Variants in KLC1 observed in about 807,000 individuals in gnomAD.
The protein encoded by KLC1 is kinesin light chain 1, also known as kinesin 2 60/70kDa.
In KLC1, 30 loss-of-function variants were observed where a neutral mutation model predicts 84.2. The ratio of observed to expected loss-of-function variants is 0.36; its 90% CI spans 0.27 to 0.48. The LOEUF (loss-of-function observed/expected upper bound fraction) is 0.48. KLC1 is among the 20% of genes least tolerant of loss of function. The probability of loss-of-function intolerance (pLI) is 0.99; values close to 1 mark genes in which losing one functional copy is unlikely to be tolerated. For missense variants in KLC1, 499 were observed against 805.4 expected, an observed-to-expected ratio of 0.62 and a Z score of 4.60; for synonymous variants, 289 against 293.3, an observed-to-expected ratio of 0.99 and a Z score of 0.15.
intron 1 of KLC1, among the ~76,000 whole-genome samples, chr14:103,640,382 A>G (rs554018618): frequency 8.4e-5 from 12 of 143,308 alleles, no homozygotes; most frequent in Middle Eastern, 5.0e-3. Context: ...TTTTTTTGAG[A>G]CAGAGTCTCG....
chr14:103,662,543 C>G lies in KLC1; in HGVS notation c.572-159C>G, dbSNP rs112693854. ...CATCCCTGACACTGTAGTCACTACTCTTACCCTGCCTGCCCAGACAGTACT... is the reference window on the plus strand; with the variant it reads ...CATCCCTGACACTGTAGTCACTACTGTTACCCTGCCTGCCCAGACAGTACT... On this transcript the variant is annotated intron_variant, in intron 4 of 16. Coordinates refer to ENST00000334553, the MANE Select transcript of KLC1 (RefSeq NM_001394837.1). Among the ~76,000 whole-genome samples the G allele has an allele frequency of 1.1e-3, 172 of 152,132 alleles. 1 individual carries two copies. The highest frequency in any genetic ancestry group is 3.6e-3 in the African/African-American group (148 of 41,500).
intron 11 of KLC1, among the ~76,000 whole-genome samples, chr14:103,676,852 T>C (rs917794616): frequency 1.3e-5 from 2 of 152,052 alleles, no homozygotes; most frequent in African/African-American, 4.8e-5. Flanking sequence ...ATGATACAGT[T>C]TGAAAAATAA....
intron 3 of KLC1, among the ~76,000 whole-genome samples, chr14:103,660,480 CA>C (rs976875934): frequency 3.5e-5 from 3 of 84,738 alleles, no homozygotes; most frequent in African/African-American, 1.3e-4. Flanking sequence ...AGCTCTGTCT[CA>C]AAAAAGAAAA....
intron 9 of KLC1, among the ~76,000 whole-genome samples, chr14:103,673,816 G>A (rs527588727): frequency 9.2e-5 from 14 of 152,164 alleles, no homozygotes; most frequent in African/African-American, 3.4e-4. Context: ...CCAGCTACTC[G>A]GGAGGCTAAG....
intron 7 of KLC1, among the ~76,000 whole-genome samples, chr14:103,670,626 G>A (rs1357859856): frequency 6.6e-6 from 1 of 151,764 alleles, no homozygotes; most frequent in African/African-American, 2.4e-5. Context: ...GAGCCACTGT[G>A]CCCGGCGCTG....
rs749833264 is a variant in KLC1 at position 103,673,174 on chromosome 14, C to T, written c.1148C>T (p.Thr383Met). The change falls in exon 8 of 17, where the codon ACG becomes ATG. Residue 383 changes from threonine to methionine, a missense_variant. Transcript: ENST00000334553. ...CCTGATGACCCCAACGTGGCTAAGACGAAAAATAACCTGGTGTGTTGACTG... is the reference window on the plus strand; with the variant it reads ...CCTGATGACCCCAACGTGGCTAAGATGAAAAATAACCTGGTGTGTTGACTG... ...LGPDDPNVAK[T>M]KNNLASCYLK... is the part of the protein sequence containing the mutation. 2 of 1,612,294 alleles carry T rather than the reference C, an allele frequency of 1.2e-6. No individual in the cohort carries two copies. The highest frequency in any genetic ancestry group is 3.4e-5 in the Admixed American group (2 of 59,626).
chr14:103,691,654 A>G (rs1279243013), intron 14 of KLC1, among the ~76,000 whole-genome samples: 2 of 151,858 alleles, frequency 1.3e-5, no homozygotes, highest in South Asian at 4.2e-4. Flanking sequence ...ATTTTAGTAG[A>G]GATGGGGTTT....
chr14:103,692,331 T>C (rs763413753), intron 14 of KLC1, 28 bp from the exon 15 acceptor site: 1 of 1,535,444 alleles, frequency 6.5e-7, no homozygotes, highest in South Asian at 1.2e-5. Context: ...TGATCGTTTG[T>C]CCTTGCATGT....
Position 103,694,625 on chromosome 14 carries a change from C to T in KLC1, c.1848+2200C>T, listed in dbSNP as rs2082316327. 2 of 985,348 alleles carry T rather than the reference C, an allele frequency of 2.0e-6. No individual in the cohort carries two copies. The highest frequency in any genetic ancestry group is 1.7e-5 in the African/African-American group (1 of 57,244). The allele number at this position is 985,348 out of a possible 1,614,324, so 61.0% of individuals were successfully genotyped here. ...TGATCAGTGATTCCAAAGGCTGACG[C>T]TCAGCAGCGCCACCTCCATGCCAGC... On this transcript the variant is annotated intron_variant, in intron 15 of 16. Transcript: ENST00000334553. The surrounding 1 kb of genome is among the most constrained non-coding windows in gnomAD (Gnocchi z 4.5).
chr14:103,640,568 A>G (rs547159986), intron 1 of KLC1, among the ~76,000 whole-genome samples: 78 of 150,680 alleles, frequency 5.2e-4, no homozygotes, highest in Non-Finnish European at 1.0e-3. Context: ...CACCGTGTTA[A>G]CCAGGATGGT....
At chr14:103,679,711 T>C (rs747422746) in intron 13 of KLC1, 166 bp downstream of exon 13, 3 of 568,232 alleles carry the variant, frequency 5.3e-6, no homozygotes, top group South Asian at 2.6e-5. Context: ...GTCTGTTATT[T>C]GTTTAAAGTG....
At chr14:103,675,084 T>TGGGA (rs1159293430) in intron 9 of KLC1, among the ~76,000 whole-genome samples, 1 of 152,142 alleles carries the variant, frequency 6.6e-6, no homozygotes, top group East Asian at 1.9e-4. Context: ...ATCCTAACAC[T>TGGGA]GGGAGGCTGA....
chr14:103,700,636 G>T lies in KLC1; in HGVS notation c.1849-19G>T. 1 of 1,601,758 alleles carries T rather than the reference G, an allele frequency of 6.2e-7. No individual in the cohort carries two copies. The highest frequency in any genetic ancestry group is 1.1e-5 in the South Asian group (1 of 90,124). On this transcript the variant is annotated intron_variant, in intron 15 of 16. Coordinates refer to ENST00000334553, the MANE Select transcript of KLC1 (RefSeq NM_001394837.1). Reference sequence around the variant, plus strand: ...CGCCTGCACGCCCTGAGTGAAACTCGTCTGTGCTTCATCTCCAGGGCGTCT... The same window carrying T: ...CGCCTGCACGCCCTGAGTGAAACTCTTCTGTGCTTCATCTCCAGGGCGTCT...
At chr14:103,641,287 T>C (rs2151345746) in intron 1 of KLC1, among the ~76,000 whole-genome samples, 1 of 152,298 alleles carries the variant, frequency 6.6e-6, no homozygotes, top group East Asian at 1.9e-4. Flanking sequence ...TTGTCCTTGT[T>C]GTACCTCAGG....
In KLC1 at chr14:103,693,411, C is replaced by G. The variant is rs1286866669; in HGVS notation, c.1848+986C>G. ...GCCCTCCAGTTTCTTGGAGTTTCTACATGCACATTGACCCCTGGGCCTCTC... is the reference window on the plus strand; with the variant it reads ...GCCCTCCAGTTTCTTGGAGTTTCTAGATGCACATTGACCCCTGGGCCTCTC... On this transcript the variant is annotated intron_variant, in intron 15 of 16. Coordinates refer to ENST00000334553, the MANE Select transcript of KLC1 (RefSeq NM_001394837.1). The surrounding 1 kb of genome is among the most constrained non-coding windows in gnomAD (Gnocchi z 5.1). 3 of 1,294,954 alleles carry G rather than the reference C, an allele frequency of 2.3e-6. No individual in the cohort carries two copies. The Admixed American group carries it at 7.2e-5, about 31-fold the overall frequency. The allele number at this position is 1,294,954 out of a possible 1,614,324, so 80.2% of individuals were successfully genotyped here. A position where few individuals can be genotyped will look rare whatever the true frequency, so the allele number is the denominator to read the frequency against.
chr14:103,669,585 A>G lies in KLC1; in HGVS notation c.872A>G (p.Lys291Arg). ...ALAIREKTLG[K>R]DHPAVAATLN... ...GCTATTCGTGAGAAAACTTTGGGCA[A>G]AGATCATCCTGCGGTTTGTATATCC... The change falls in exon 6 of 17, where the codon AAA becomes AGA. Residue 291 changes from lysine (K) to arginine (R), a missense_variant. Around this residue, in one of 3 missense-constraint regions of KLC1, gnomAD observed 153 missense variants for 332.4 expected, o/e 0.46. Coordinates refer to ENST00000334553, the MANE Select transcript of KLC1 (RefSeq NM_001394837.1). The G allele has an allele frequency of 1.2e-6, 2 of 1,603,246 alleles. No homozygotes were observed. The highest frequency in any genetic ancestry group is 2.2e-5 in the East Asian group (1 of 44,816).
chr14:103,652,386 A>G (rs1325766618), intron 1 of KLC1, among the ~76,000 whole-genome samples: 4 of 152,166 alleles, frequency 2.6e-5, no homozygotes, highest in Non-Finnish European at 5.9e-5. Flanking sequence ...TCACTCAGCA[A>G]TATATTCCCA....
rs2081167519 is a variant in KLC1 at position 103,679,249 on chromosome 14, C to A, written c.1489-135C>A. 4 of 1,192,008 alleles carry A rather than the reference C, an allele frequency of 3.4e-6. No individual in the cohort carries two copies. In the Admixed American group the frequency reaches 9.0e-5, roughly 27 times the overall value. 73.8% of individuals were successfully genotyped at this position (1,192,008 alleles called of 1,614,324 possible). A position where few individuals can be genotyped will look rare whatever the true frequency, so the allele number is the denominator to read the frequency against. On this transcript the variant is annotated intron_variant, in intron 12 of 16. Coordinates refer to ENST00000334553, the MANE Select transcript of KLC1 (RefSeq NM_001394837.1). ...CTCCACCCTCACCCCCTCCAAGGAA[C>A]CACTCTTCCAATGTTTTTCCCTCCA...
intron 1 of KLC1, among the ~76,000 whole-genome samples, chr14:103,642,669 C>T (rs1416115025): frequency 6.6e-6 from 1 of 151,730 alleles, no homozygotes; most frequent in South Asian, 2.1e-4. Context: ...GGGATGGGAA[C>T]ATGAAGAAGG....
Sources: gnomAD v4.1 joint callset for allele counts (sites outside exome capture counted in the v4.1 genomes callset) on GRCh38, gnomAD v4.1.1 for gene constraint, gnomAD v4.1.1 regional missense constraint, Gnocchi (gnomAD v3.1) non-coding constraint, MANE v1.5 for transcripts, NCBI Gene and HGNC (gene_info 2026-07-23, HGNC 2026-07-21) for gene names.